The following STRADA variants were observed in gnomAD, a reference collection of about 807,000 sequenced individuals.
STRADA encodes STE20-related kinase adapter protein alpha.
In STRADA, 26 loss-of-function variants were observed where a neutral mutation model predicts 55.0. That is an observed-to-expected ratio of 0.47 (90% confidence interval 0.35 to 0.66). STRADA has a LOEUF of 0.66. Ranked by LOEUF, STRADA falls within the 30% of genes least tolerant of loss-of-function variation. The probability of loss-of-function intolerance (pLI) is 0.01; values close to 1 mark genes in which losing one functional copy is unlikely to be tolerated. For missense variants in STRADA, 443 were observed against 549.7 expected, an observed-to-expected ratio of 0.81 and a Z score of 1.94; for synonymous variants, 197 against 210.9, an observed-to-expected ratio of 0.93 and a Z score of 0.57.
At chr17:63,727,033 T>C (rs2037708900) in intron 2 of STRADA, 1 of 270,940 alleles carries the variant, frequency 3.7e-6, no homozygotes, top group Non-Finnish European at 6.9e-6. Flanking sequence ...TGATGTCAAT[T>C]TGAAAACTAT....
In STRADA at chr17:63,713,451, C is replaced by T. The variant is rs761336461; in HGVS notation, c.303G>A (p.Arg101=). 8.2e-5 allele frequency: 133 copies of T among 1,614,176 alleles called. 1 individual carries two copies. Among genetic ancestry groups the T allele is most frequent in the Admixed American group, 3.2e-4 (19 of 60,028 alleles). ...KPTGEYVTVR[R]INLEACSNEM... ...CATTGGAACAAGCTTCTAGGTTAAT[C>T]CTCCGTACAGTCACGTACTCTCCTG... The change falls in exon 6 of 13, where the codon AGG becomes AGA. Residue 101 remains arginine (R), a synonymous_variant. Coordinates refer to ENST00000336174, the MANE Select transcript of STRADA (RefSeq NM_001003787.4).
At chr17:63,713,000 C>CAAAAAAA (rs5821401) in intron 6 of STRADA, among the ~76,000 whole-genome samples, 1 of 125,536 alleles carries the variant, frequency 8.0e-6, no homozygotes, top group Non-Finnish European at 1.7e-5. Flanking sequence ...GAATCCGTCT[C>CAAAAAAA]AAAAAAAAAA....
At chr17:63,729,116 T>C (rs1377218288) in intron 1 of STRADA, among the ~76,000 whole-genome samples, 9 of 152,168 alleles carry the variant, frequency 5.9e-5, no homozygotes, top group Non-Finnish European at 7.3e-5. Context: ...ACTCCTGGAC[T>C]CAAGCGATCC....
intron 2 of STRADA, chr17:63,726,974 T>A: frequency 2.2e-6 from 1 of 446,728 alleles, no homozygotes; most frequent in South Asian, 3.5e-5. Flanking sequence ...TTGCCTTCCC[T>A]ATATTGGTTC....
intron 4 of STRADA, chr17:63,718,693 G>A (rs2037076386): frequency 6.6e-6 from 1 of 152,094 alleles, no homozygotes; most frequent in South Asian, 2.1e-4. Context: ...ATAAACAAGT[G>A]TGTTCCAGTC....
rs771506311 is a variant in STRADA at position 63,703,678 on chromosome 17, C to G, written c.1217G>C (p.Ser406Thr). Residue 406 changes from serine (S) to threonine (T), a missense_variant, in exon 13 of 13, where the codon AGC becomes ACC. Physicochemically the swap from Ser to Thr is moderately conservative, Grantham distance 58. Transcript: ENST00000336174. The stretch of plus-strand genomic sequence containing the variant: ...GATTCCACTGTGGTCCTGAGACTGG[C>G]TGCCCTCAAAATTGGTGATGGGGGT... ...PVTPITNFEGSQSQDHSGIFG... is the reference protein window; with the variant it reads ...PVTPITNFEGTQSQDHSGIFG... 1 of 1,614,202 alleles carries G rather than the reference C, an allele frequency of 6.2e-7. No individual in the cohort carries two copies. Among genetic ancestry groups the G allele is most frequent in the South Asian group, 1.1e-5 (1 of 91,088 alleles).
intron 1 of STRADA, among the ~76,000 whole-genome samples, chr17:63,737,225 G>A (rs1238440458): frequency 4.3e-5 from 5 of 116,514 alleles, no homozygotes; most frequent in African/African-American, 1.6e-4. Context: ...CTCCAGCCTG[G>A]GTGACAGAGC....
At chr17:63,707,705 G>A (rs148485486) in intron 8 of STRADA, among the ~76,000 whole-genome samples, 1,846 of 151,710 alleles carry the variant, frequency 0.012, 31 homozygotes, top group African/African-American at 0.041. Context: ...GATTACAGGT[G>A]TGCACCACCA....
intron 1 of STRADA, among the ~76,000 whole-genome samples, chr17:63,740,107 T>TATATATATATATATATATATATACATAC (rs1309095081): frequency 1.4e-4 from 7 of 49,650 alleles, no homozygotes; most frequent in African/African-American, 6.6e-4. Flanking sequence ...TATATATATA[T>TATATATATATATATATATATATACATAC]ACATACATAC....
rs1171628927 is a variant in STRADA, at chr17:63,703,709, G to A, written c.1186C>T (p.Pro396Ser). Residue 396 changes from proline to serine, a missense_variant, in exon 13 of 13, where the codon CCT becomes TCT. Transcript: ENST00000336174. ...TCAAAATTGGTGATGGGGGTGACAG[G>A]ACGAAGCAATTCGGGCAAAGCCTCT... Reference protein sequence around the residue: ...ASEALPELLRPVTPITNFEGS... With the variant: ...ASEALPELLRSVTPITNFEGS... 6.2e-7 allele frequency: 1 copy of A among 1,614,188 alleles called. No homozygotes were observed. Among genetic ancestry groups the A allele is most frequent in the Non-Finnish European group, 8.5e-7 (1 of 1,180,034 alleles).
Position 63,707,726 on chromosome 17 carries a change from A to AT in STRADA, c.582-309dup, listed in dbSNP as rs557629042. Among the ~76,000 whole-genome samples the AT allele has an allele frequency of 5.7e-3, 832 of 145,412 alleles. 7 individuals are homozygous for AT. The highest frequency in any genetic ancestry group is 0.019 in the African/African-American group (766 of 39,472). ...AGGTGTGCACCACCACACCCAGCTA[A>AT]TTTTTTTTTTTCTTTTTTTTTTGAG... is the stretch of plus-strand genomic sequence containing the variant. On this transcript the variant is annotated intron_variant, in intron 8 of 12. Coordinates refer to ENST00000336174, the MANE Select transcript of STRADA (RefSeq NM_001003787.4).
At chr17:63,705,511 T>C (rs1474438415) in intron 10 of STRADA, 1 of 157,402 alleles carries the variant, frequency 6.4e-6, no homozygotes, top group Non-Finnish European at 1.4e-5. Context: ...CCCACCTAAC[T>C]GAGCTACTGG....
At chr17:63,723,812 C>CA (rs2037469677) in intron 3 of STRADA, 1 of 152,572 alleles carries the variant, frequency 6.6e-6, no homozygotes, top group South Asian at 2.1e-4. Context: ...GACCATTACC[C>CA]AACCTGATTC....
intron 8 of STRADA, among the ~76,000 whole-genome samples, chr17:63,708,406 G>C (rs2036263381): frequency 6.6e-6 from 1 of 151,788 alleles, no homozygotes; most frequent in South Asian, 2.1e-4. Context: ...CACCATGTTA[G>C]CCAGGCTGGT....
At chr17:63,725,330 T>A (rs1199771308) in intron 3 of STRADA, among the ~76,000 whole-genome samples, 3 of 152,220 alleles carry the variant, frequency 2.0e-5, no homozygotes, top group Non-Finnish European at 4.4e-5. Context: ...ATCTGTTTTT[T>A]AAATTTCCTT....
chr17:63,713,760 T>G (rs960726614), intron 5 of STRADA, among the ~76,000 whole-genome samples: 2 of 152,140 alleles, frequency 1.3e-5, no homozygotes, highest in African/African-American at 4.8e-5. Context: ...TGACTCACTA[T>G]GGCCAGGACA....
chr17:63,718,094 T>C (rs1015531564), intron 4 of STRADA, among the ~76,000 whole-genome samples: 2 of 152,130 alleles, frequency 1.3e-5, no homozygotes, highest in African/African-American at 4.8e-5. Flanking sequence ...AGCTAATTTT[T>C]GTATTTTTTG....
At chr17:63,740,204 GGACA>G (rs772321309) in intron 1 of STRADA, among the ~76,000 whole-genome samples, 142 of 141,136 alleles carry the variant, frequency 1.0e-3, no homozygotes, top group Non-Finnish European at 1.6e-3. Flanking sequence ...TATTACTAGT[GGACA>G]GACATAGAAA....
intron 3 of STRADA, among the ~76,000 whole-genome samples, chr17:63,724,535 T>G (rs1255157491): frequency 6.6e-6 from 1 of 151,864 alleles, no homozygotes; most frequent in Admixed American, 6.6e-5. Flanking sequence ...CTCAGCCTCC[T>G]GAGTAGCTGG....
Sources: gnomAD v4.1 joint callset for allele counts (sites outside exome capture counted in the v4.1 genomes callset) on GRCh38, gnomAD v4.1.1 for gene constraint, MANE v1.5 for transcripts, NCBI Gene and HGNC (gene_info 2026-07-23, HGNC 2026-07-21) for gene names.